The following FSIP1 variants were observed in gnomAD, a reference collection of about 807,000 sequenced individuals.
FSIP1 encodes fibrous sheath-interacting protein 1.
Under a neutral mutation model 60.9 loss-of-function variants are expected in FSIP1, and 65 were observed. The observed-to-expected ratio is 1.07, with a 90% CI of 0.87 to 1.31. The LOEUF is 1.31. FSIP1 is among the 40% of genes most tolerant of loss of function. The probability of loss-of-function intolerance (pLI) is 0.00; values close to 1 mark genes in which losing one functional copy is unlikely to be tolerated. For missense variants in FSIP1, 675 were observed against 665.5 expected (o/e 1.01, Z -0.16); for synonymous variants, 209 against 221.2 (o/e 0.94, Z 0.49).
intron 10 of FSIP1, among the ~76,000 whole-genome samples, chr15:39,661,989 T>G (rs1389884865): frequency 6.6e-6 from 1 of 152,128 alleles, no homozygotes; most frequent in Non-Finnish European, 1.5e-5. Context: ...TTTGAAAAAT[T>G]ATTAGATCAC....
intron 2 of FSIP1, among the ~76,000 whole-genome samples, chr15:39,774,125 G>A (rs1244622590): frequency 6.6e-6 from 1 of 152,174 alleles, no homozygotes; most frequent in Non-Finnish European, 1.5e-5. Context: ...AAATTAATCT[G>A]TAAAGTCAAA....
intron 5 of FSIP1, among the ~76,000 whole-genome samples, chr15:39,759,193 A>T (rs577854688): frequency 1.6e-4 from 24 of 151,488 alleles, no homozygotes; most frequent in East Asian, 3.9e-4. Context: ...TCACAAAATT[A>T]AAAAAAAAGT....
At chr15:39,716,470 G>T (rs7181875) in intron 9 of FSIP1, among the ~76,000 whole-genome samples, 18,812 of 152,138 alleles carry the variant, frequency 0.12, 1,393 homozygotes, top group African/African-American at 0.19. Flanking sequence ...CAGAGGACTT[G>T]TATCCAGAAT....
intron 11 of FSIP1, among the ~76,000 whole-genome samples, chr15:39,608,064 A>C (rs972872397): frequency 6.6e-6 from 1 of 152,232 alleles, no homozygotes; most frequent in African/African-American, 2.4e-5. Context: ...AAGCTATTTT[A>C]ATAATTATAA....
At chr15:39,732,863 G>A (rs752749429) in intron 8 of FSIP1, among the ~76,000 whole-genome samples, 1 of 152,146 alleles carries the variant, frequency 6.6e-6, no homozygotes, top group Non-Finnish European at 1.5e-5. Context: ...GGTATGATTT[G>A]AGAATATAGT....
rs376642539 is a variant in FSIP1, at chr15:39,713,321, C to G, written c.1188+123G>C. ...GTGGCCCACACCTGTAATCCTAGCA[C>G]TTTGGCAGGCTGAGGTGGGCAGGTC... is the stretch of plus-strand genomic sequence containing the variant. On this transcript the variant is annotated intron_variant, in intron 10 of 11. Coordinates refer to ENST00000350221, the MANE Select transcript of FSIP1 (RefSeq NM_152597.5). 4.7e-4 allele frequency: 366 copies of G among 777,228 alleles called. No homozygotes were observed. The African/African-American group carries it at 6.0e-3, about 13-fold the overall frequency. 48.1% of individuals were successfully genotyped at this position (777,228 alleles called of 1,614,324 possible). A position where few individuals can be genotyped will look rare whatever the true frequency, so the allele number is the denominator to read the frequency against.
chr15:39,718,035 T>C (rs561908184), intron 9 of FSIP1, among the ~76,000 whole-genome samples: 1 of 152,104 alleles, frequency 6.6e-6, no homozygotes, highest in African/African-American at 2.4e-5. Flanking sequence ...ATTCCAGCTC[T>C]TGCTGAGCTC....
chr15:39,655,603 A>C (rs920889807), intron 10 of FSIP1, among the ~76,000 whole-genome samples: 1 of 152,200 alleles, frequency 6.6e-6, no homozygotes, highest in Admixed American at 6.5e-5. Flanking sequence ...TCCAAAACTC[A>C]AAACCTATGA....
At chr15:39,780,868 G>A (rs929419116) in intron 1 of FSIP1, among the ~76,000 whole-genome samples, 10 of 152,166 alleles carry the variant, frequency 6.6e-5, no homozygotes, top group African/African-American at 2.4e-4. Flanking sequence ...GATTACAGGG[G>A]TGAGCCACCG....
intron 2 of FSIP1, among the ~76,000 whole-genome samples, chr15:39,771,354 A>G (rs1355158822): frequency 6.6e-6 from 1 of 152,116 alleles, no homozygotes; most frequent in Non-Finnish European, 1.5e-5. Flanking sequence ...CAACAGAGAG[A>G]CTGTCTCCTC....
intron 10 of FSIP1, among the ~76,000 whole-genome samples, chr15:39,675,039 CT>C (rs34533014): frequency 0.032 from 4,882 of 150,462 alleles, 98 homozygotes; most frequent in Middle Eastern, 0.065. Flanking sequence ...CATGAATAGG[CT>C]TTTTTTTTAA....
chr15:39,709,040 A>G (rs1043752955), intron 10 of FSIP1, among the ~76,000 whole-genome samples: 1 of 152,222 alleles, frequency 6.6e-6, no homozygotes, highest in Non-Finnish European at 1.5e-5. Flanking sequence ...AGTCTTGACC[A>G]AGACAAATGT....
intron 5 of FSIP1, among the ~76,000 whole-genome samples, chr15:39,750,981 T>G (rs1897145131): frequency 6.6e-6 from 1 of 151,830 alleles, no homozygotes; most frequent in East Asian, 1.9e-4. Context: ...TAAATAGATA[T>G]TTTTTCAAAG....
intron 10 of FSIP1, among the ~76,000 whole-genome samples, chr15:39,638,960 A>G (rs1892249050): frequency 6.6e-6 from 1 of 152,208 alleles, no homozygotes; most frequent in African/African-American, 2.4e-5. Flanking sequence ...ATACTTATTT[A>G]AGACCCAGTG....
intron 8 of FSIP1, among the ~76,000 whole-genome samples, chr15:39,731,440 A>T (rs1250861321): frequency 6.6e-6 from 1 of 152,248 alleles, no homozygotes. Context: ...ACAAAAAAGT[A>T]AAACTATGAA....
intron 10 of FSIP1, among the ~76,000 whole-genome samples, chr15:39,661,432 T>C (rs938580098): frequency 2.0e-5 from 3 of 152,238 alleles, no homozygotes; most frequent in Admixed American, 6.5e-5. Context: ...TCCCAGATTA[T>C]TTTGTACAAT....
intron 10 of FSIP1, among the ~76,000 whole-genome samples, chr15:39,648,653 T>A (rs1050825973): frequency 1.3e-5 from 2 of 152,184 alleles, no homozygotes; most frequent in African/African-American, 4.8e-5. Flanking sequence ...CTAACATTGG[T>A]GCCCAAAAGT....
At position 39,734,120 on chromosome 15, in the gene FSIP1, T is replaced by A. The variant is rs1020433832; in HGVS notation, c.891+3971A>T. On this transcript the variant is annotated intron_variant, in intron 8 of 11. Coordinates refer to ENST00000350221, the MANE Select transcript of FSIP1 (RefSeq NM_152597.5). The stretch of plus-strand genomic sequence containing the variant: ...ACACACAAATATAATCTGATAAAAT[T>A]GTGAACTCCAAAATAAGGAGAAAAT... Among the ~76,000 whole-genome samples the A allele has an allele frequency of 2.6e-5, 4 of 152,276 alleles. No individual in the cohort carries two copies. The East Asian group carries it at 7.7e-4, about 29-fold the overall frequency.
chr15:39,782,628 C>G lies in FSIP1; in HGVS notation c.-8G>C, dbSNP rs544746266. 6.6e-6 allele frequency: 1 copy of G among 152,410 alleles called. No individual in the cohort carries two copies. The highest frequency in any genetic ancestry group is 2.4e-5 in the African/African-American group (1 of 41,464). 9.4% of individuals were successfully genotyped at this position (152,410 alleles called of 1,614,324 possible). A position where few individuals can be genotyped will look rare whatever the true frequency, so the allele number is the denominator to read the frequency against. ...CGCCCTCATCTGCGCGGCCCCTCAC[C>G]TTCCCGCCGGGCCTCCTCGAGGAAC... is the stretch of plus-strand genomic sequence containing the variant. On this transcript the variant is annotated splice_region_variant and 5_prime_UTR_variant, in exon 1 of 12. Transcript: ENST00000350221.
Sources: allele counts gnomAD v4.1 joint callset (sites outside exome capture counted in the v4.1 genomes callset), GRCh38; gene constraint gnomAD v4.1.1; transcripts MANE v1.5; gene names NCBI Gene and HGNC (gene_info 2026-07-23, HGNC 2026-07-21).